Variants in GSG1L observed in about 807,000 individuals in gnomAD.
GSG1L encodes GSG1 like.
A neutral mutation model predicts 42.1 loss-of-function variants in GSG1L; 24 were observed. The ratio of observed to expected loss-of-function variants is 0.57; its 90% CI spans 0.41 to 0.80. The LOEUF (loss-of-function observed/expected upper bound fraction) is 0.80, where lower values mean the gene tolerates loss of function less well. GSG1L is among the 30% of genes least tolerant of loss of function. The pLI, the probability that GSG1L is intolerant of heterozygous loss-of-function variation, is 0.00. For synonymous variants in GSG1L, 215 were observed against 203.5 expected (o/e 1.06, Z -0.48); for missense variants, 445 against 472.2 (o/e 0.94, Z 0.53).
chr16:27,949,042 C>T (rs1437709854), intron 2 of GSG1L, among the ~76,000 whole-genome samples: 1 of 151,664 alleles, frequency 6.6e-6, no homozygotes. Flanking sequence ...CTCAGCCTTC[C>T]GAGTAGCTGG....
chr16:27,847,981 C>A lies in GSG1L; in HGVS notation c.551-2920G>T, dbSNP rs550756152. Among the ~76,000 whole-genome samples the A allele has an allele frequency of 4.4e-4, 67 of 152,316 alleles. 1 individual carries two copies. Among genetic ancestry groups the A allele is most frequent in the East Asian group, 1.3e-3 (7 of 5,190 alleles). On this transcript the variant is annotated intron_variant, in intron 3 of 6. Coordinates refer to ENST00000447459, the MANE Select transcript of GSG1L (RefSeq NM_001109763.2). ...CAATGTGAGAACTGACTAATACAGT[C>A]ACTTACCAGCTTTGTAACATTGGGT...
chr16:28,062,145 G>T (rs1199285836), intron 1 of GSG1L, among the ~76,000 whole-genome samples: 1 of 152,164 alleles, frequency 6.6e-6, no homozygotes, highest in Non-Finnish European at 1.5e-5. Flanking sequence ...CCCGCTCAGA[G>T]ATACCACGTC....
At chr16:28,058,853 A>G (rs1166715518) in intron 1 of GSG1L, among the ~76,000 whole-genome samples, 2 of 152,176 alleles carry the variant, frequency 1.3e-5, no homozygotes, top group African/African-American at 4.8e-5. Flanking sequence ...TCTCTGTTCA[A>G]AATAAAGGAA....
chr16:27,871,800 T>C (rs561501718), intron 3 of GSG1L, among the ~76,000 whole-genome samples: 11 of 152,340 alleles, frequency 7.2e-5, no homozygotes, highest in African/African-American at 2.6e-4. Flanking sequence ...CTATCTTCTA[T>C]AAATCCATTT....
chr16:27,888,234 C>T (rs1469865009), intron 2 of GSG1L: 8 of 465,922 alleles, frequency 1.7e-5, no homozygotes, highest in East Asian at 1.5e-4. Context: ...ACGCTTCCCC[C>T]GCCCCTCTCC....
intron 2 of GSG1L, among the ~76,000 whole-genome samples, chr16:27,931,133 T>C (rs578101156): frequency 6.6e-6 from 1 of 152,348 alleles, no homozygotes; most frequent in Non-Finnish European, 1.5e-5. Context: ...TCATTTATAA[T>C]AAAGCAAATC....
chr16:27,875,084 G>A (rs750539141), intron 3 of GSG1L, among the ~76,000 whole-genome samples: 1 of 152,030 alleles, frequency 6.6e-6, no homozygotes, highest in Non-Finnish European at 1.5e-5. Context: ...TATCTCCTTG[G>A]CCCACACCAG....
chr16:27,993,868 T>C (rs1388421686), intron 1 of GSG1L, among the ~76,000 whole-genome samples: 1 of 152,094 alleles, frequency 6.6e-6, no homozygotes, highest in Admixed American at 6.5e-5. Context: ...AACAAAGCAA[T>C]ATGCAGTAAC....
chr16:27,941,667 T>C (rs1195900115), intron 2 of GSG1L, among the ~76,000 whole-genome samples: 2 of 37,926 alleles, frequency 5.3e-5, no homozygotes, highest in African/African-American at 2.0e-4. Context: ...AGCATGTTAG[T>C]GTATCTTCAC....
chr16:28,020,408 G>C (rs1419069546), intron 1 of GSG1L, among the ~76,000 whole-genome samples: 1 of 152,190 alleles, frequency 6.6e-6, no homozygotes, highest in Non-Finnish European at 1.5e-5. Flanking sequence ...GGATGTGTCT[G>C]GCAGCATTTC....
At position 27,947,384 on chromosome 16, in the gene GSG1L, A is replaced by AAGAAAGAAAG. The variant is rs373703555; in HGVS notation, c.397+15771_397+15772insCTTTCTTTCT. Among the ~76,000 whole-genome samples, 308 of 130,720 alleles carry AAGAAAGAAAG rather than the reference A, an allele frequency of 2.4e-3. 3 individuals carry two copies. Among genetic ancestry groups the AAGAAAGAAAG allele is most frequent in the African/African-American group, 8.5e-3 (293 of 34,340 alleles). 85.8% of individuals were successfully genotyped at this position (130,720 alleles called of 152,430 possible). A position where few individuals can be genotyped will look rare whatever the true frequency, so the allele number is the denominator to read the frequency against. Reference sequence around the variant, plus strand: ...GGAGGAGGAGAGAAAGAAAGAAAGAAAAAGAAAGAAAGAAAGAAAGAAAGA... The same window carrying AAGAAAGAAAG: ...GGAGGAGGAGAGAAAGAAAGAAAGAAAGAAAGAAAGAAAGAAAGAAAGAAAGAAAGAAAGA... On this transcript the variant is annotated intron_variant, in intron 2 of 6. Coordinates refer to ENST00000447459, the MANE Select transcript of GSG1L (RefSeq NM_001109763.2).
At position 28,015,850 on chromosome 16, in the gene GSG1L, T is replaced by G. The variant is rs2085774466; in HGVS notation, c.349+47226A>C. Among the ~76,000 whole-genome samples, 3 of 152,352 alleles carry G rather than the reference T, an allele frequency of 2.0e-5. No homozygotes were observed. The South Asian group carries it at 6.2e-4, about 32-fold the overall frequency. On this transcript the variant is annotated intron_variant, in intron 1 of 6. Coordinates refer to ENST00000447459, the MANE Select transcript of GSG1L (RefSeq NM_001109763.2). ...GCTTGGTTCCAGTGGTGGCCGGATT[T>G]GTGGTTTCAAGAACCTCTCTGCTGC...
intron 4 of GSG1L, among the ~76,000 whole-genome samples, chr16:27,834,937 G>T (rs537314388): frequency 2.0e-4 from 30 of 152,004 alleles, no homozygotes; most frequent in Non-Finnish European, 3.8e-4. Flanking sequence ...TCTTTCTTCT[G>T]CTGGCTTTGG....
Position 27,900,983 on chromosome 16 carries a change from C to T in GSG1L, c.398-16345G>A, listed in dbSNP as rs1290762956. On this transcript the variant is annotated intron_variant, in intron 2 of 6. Coordinates refer to ENST00000447459, the MANE Select transcript of GSG1L (RefSeq NM_001109763.2). ...TCTCTACTAAAAATACAAAATTTAG[C>T]CAGGTGTGGTGGCATGCTCCTGTAA... is the stretch of plus-strand genomic sequence containing the variant. Among the ~76,000 whole-genome samples the T allele has an allele frequency of 2.0e-5, 3 of 152,160 alleles. No homozygotes were observed. In the East Asian group the frequency reaches 5.8e-4, roughly 29 times the overall value.
chr16:27,921,735 T>C (rs1175317446), intron 2 of GSG1L, among the ~76,000 whole-genome samples: 1 of 152,198 alleles, frequency 6.6e-6, no homozygotes, highest in Non-Finnish European at 1.5e-5. Context: ...TATAACCAGA[T>C]CTTTGTGTTG....
intron 3 of GSG1L, among the ~76,000 whole-genome samples, chr16:27,847,151 G>T (rs1162803318): frequency 6.6e-6 from 1 of 152,160 alleles, no homozygotes; most frequent in Non-Finnish European, 1.5e-5. Context: ...AATGAATGAG[G>T]CTTTCCTGCT....
chr16:27,802,613 C>T (rs1290689364), intron 6 of GSG1L, among the ~76,000 whole-genome samples: 1 of 152,044 alleles, frequency 6.6e-6, no homozygotes, highest in Admixed American at 6.5e-5. Context: ...GCCTCTGGCT[C>T]CCCTGAACCC....
chr16:27,983,388 T>TA (rs2085345844), intron 1 of GSG1L, among the ~76,000 whole-genome samples: 1 of 152,118 alleles, frequency 6.6e-6, no homozygotes, highest in African/African-American at 2.4e-5. Context: ...CTTCTACTGT[T>TA]ACTCCATTGA....
rs549628760 is a variant in GSG1L at position 27,974,056 on chromosome 16, G to T, written c.350-10853C>A. 8.5e-5 allele frequency among the ~76,000 whole-genome samples: 13 copies of T among 152,228 alleles called. 1 individual carries two copies. The South Asian group carries it at 2.5e-3, about 29-fold the overall frequency. On this transcript the variant is annotated intron_variant, in intron 1 of 6. Transcript: ENST00000447459. ...CCCTTTGAGCTGCTAAGATAGCAAA[G>T]GTGAATGGAGCTGGCATCTCCTGCC...
Sources: allele counts gnomAD v4.1 joint callset (sites outside exome capture counted in the v4.1 genomes callset), GRCh38; gene constraint gnomAD v4.1.1; transcripts MANE v1.5; gene names NCBI Gene and HGNC (gene_info 2026-07-23, HGNC 2026-07-21).